RBPMS2: variants seen among roughly 807,000 people sequenced by gnomAD.
RBPMS2 encodes the protein RNA binding protein, mRNA processing factor 2.
RBPMS2 carries 14 observed loss-of-function variants against 25.7 expected under a neutral mutation model. The observed-to-expected ratio is 0.55, with a 90% CI of 0.36 to 0.85. RBPMS2 has a LOEUF of 0.85. Ranked by LOEUF, RBPMS2 falls within the 40% of genes least tolerant of loss-of-function variation. The probability of loss-of-function intolerance (pLI) is 0.01; values close to 1 mark genes in which losing one functional copy is unlikely to be tolerated. For missense variants in RBPMS2, 252 were observed against 283.4 expected (o/e 0.89, Z 0.80); for synonymous variants, 127 against 115.6 (o/e 1.10, Z -0.63).
chr15:64,774,732 A>AGTCGGCCGGCTGGCCG (rs1555431926), intron 1 of RBPMS2, among the ~76,000 whole-genome samples: 1 of 147,068 alleles, frequency 6.8e-6, no homozygotes, highest in Admixed American at 6.7e-5. Flanking sequence ...GGAACCGAGG[A>AGTCGGCCGGCTGGCCG]GCCGGCCGGC....
chr15:64,748,571 C>A lies in RBPMS2; in HGVS notation c.419-4G>T. ...AGAGCAGCCCCCATCAGGTCATCTA[C>A]AACAGGAGACAATGGCCTCCATCAT... On this transcript the variant is annotated splice_region_variant and splice_polypyrimidine_tract_variant and intron_variant, in intron 5 of 7. Coordinates refer to ENST00000300069, the MANE Select transcript of RBPMS2 (RefSeq NM_194272.3). The A allele has an allele frequency of 6.5e-7, 1 of 1,534,970 alleles. No homozygotes were observed.
rs376832140 is a variant in RBPMS2, at chr15:64,774,109, C to T, written c.87+1124G>A. Among the ~76,000 whole-genome samples the T allele has an allele frequency of 2.7e-4, 41 of 152,344 alleles. No individual in the cohort carries two copies. The East Asian group carries it at 4.6e-3, about 17-fold the overall frequency. On this transcript the variant is annotated intron_variant, in intron 1 of 7. Transcript: ENST00000300069. ...TGAGCCCAGCCCAGCCGAGGGCCAC[C>T]GGCGCCATTCTGCACCAACCCCCAG...
chr15:64,750,465 G>A lies in RBPMS2; in HGVS notation c.166-84C>T, dbSNP rs995562416. 4.4e-5 allele frequency: 51 copies of A among 1,147,182 alleles called. 1 individual carries two copies. The highest frequency in any genetic ancestry group is 4.4e-4 in the East Asian group (19 of 42,764). The allele number at this position is 1,147,182 out of a possible 1,614,324, so 71.1% of individuals were successfully genotyped here. A position where few individuals can be genotyped will look rare whatever the true frequency, so the allele number is the denominator to read the frequency against. ...GCGCTGCCACCTCATCAGCCCCCGC[G>A]TTCCCCTGAGTCATTCTCACACCCT... On this transcript the variant is annotated intron_variant, in intron 2 of 7. Transcript: ENST00000300069.
chr15:64,770,873 G>A lies in RBPMS2; in HGVS notation c.87+4360C>T, dbSNP rs374806702. On this transcript the variant is annotated intron_variant, in intron 1 of 7. Coordinates refer to ENST00000300069, the MANE Select transcript of RBPMS2 (RefSeq NM_194272.3). ...GACCTCAAGCCACCCAGTGGTCCCA[G>A]GGCTCTGGCTGCTTCCTGACACCCC... Among the ~76,000 whole-genome samples the A allele has an allele frequency of 2.6e-5, 4 of 151,978 alleles. No homozygotes were observed. The East Asian group carries it at 7.7e-4, about 29-fold the overall frequency.
At chr15:64,751,309 G>A (rs2141061223) in intron 2 of RBPMS2, among the ~76,000 whole-genome samples, 1 of 151,006 alleles carries the variant, frequency 6.6e-6, no homozygotes, top group East Asian at 2.0e-4. Context: ...CTCTAGCCTG[G>A]GCGGCAGAGC....
At chr15:64,741,736 T>G (rs143912658) in intron 6 of RBPMS2, among the ~76,000 whole-genome samples, 29 of 152,328 alleles carry the variant, frequency 1.9e-4, no homozygotes, top group Admixed American at 8.5e-4. Context: ...TAAGACAGGA[T>G]GTAAAGATAC....
At chr15:64,766,560 T>G (rs531286858) in intron 1 of RBPMS2, among the ~76,000 whole-genome samples, 311 of 151,412 alleles carry the variant, frequency 2.1e-3, no homozygotes, top group African/African-American at 7.4e-3. Context: ...GGAGTCTCGC[T>G]CTGTATCCCA....
intron 1 of RBPMS2, among the ~76,000 whole-genome samples, chr15:64,760,591 A>G (rs1174260771): frequency 1.3e-5 from 2 of 152,060 alleles, no homozygotes; most frequent in Non-Finnish European, 2.9e-5. Flanking sequence ...ACCTGAGGTC[A>G]GGAGTTCTAG....
rs1326275918 is a variant in RBPMS2, at chr15:64,775,500, G to A, written c.-181C>T. ...GCCAGGGTCACATCAAGTTTGGCGG[G>A]TGCGGAAGGTGGGGAGGGGGTGCGG... On this transcript the variant is annotated 5_prime_UTR_variant, in exon 1 of 8. Coordinates refer to ENST00000300069, the MANE Select transcript of RBPMS2 (RefSeq NM_194272.3). 2 of 304,628 alleles carry A rather than the reference G, an allele frequency of 6.6e-6. No homozygotes were observed. Among genetic ancestry groups the A allele is most frequent in the Admixed American group, 5.2e-5 (1 of 19,386 alleles). 18.9% of individuals were successfully genotyped at this position (304,628 alleles called of 1,614,324 possible). A position where few individuals can be genotyped will look rare whatever the true frequency, so the allele number is the denominator to read the frequency against.
chr15:64,746,481 C>A (rs1357883198), intron 6 of RBPMS2, among the ~76,000 whole-genome samples: 2 of 152,234 alleles, frequency 1.3e-5, no homozygotes, highest in East Asian at 3.8e-4. Context: ...ATTATCATCA[C>A]CATTTTACAG....
chr15:64,768,801 A>G (rs796088184), intron 1 of RBPMS2, among the ~76,000 whole-genome samples: 25 of 151,080 alleles, frequency 1.7e-4, no homozygotes, highest in African/African-American at 6.1e-4. Flanking sequence ...GTCTATAAAA[A>G]AAAAAAAAGG....
intron 1 of RBPMS2, among the ~76,000 whole-genome samples, chr15:64,765,023 G>A (rs1289918929): frequency 2.0e-5 from 3 of 151,026 alleles, no homozygotes; most frequent in Non-Finnish European, 3.0e-5. Context: ...TCAGGAGTTC[G>A]GGACCAGCCT....
chr15:64,749,915 T>TC, intron 3 of RBPMS2, among the ~76,000 whole-genome samples: 1 of 152,264 alleles, frequency 6.6e-6, no homozygotes, highest in Middle Eastern at 3.4e-3. Context: ...TGAAAACTGC[T>TC]CCAACTTCAT....
chr15:64,757,973 C>T (rs79222839), intron 1 of RBPMS2, among the ~76,000 whole-genome samples: 1 of 152,080 alleles, frequency 6.6e-6, no homozygotes, highest in East Asian at 1.9e-4. Context: ...GAGCAAGACC[C>T]TACCTCTAAA....
chr15:64,750,725 T>A (rs1226858987), intron 2 of RBPMS2, among the ~76,000 whole-genome samples: 1 of 152,220 alleles, frequency 6.6e-6, no homozygotes, highest in African/African-American at 2.4e-5. Context: ...AGATTCTTTA[T>A]ATAACCACAT....
intron 3 of RBPMS2, 147 bp from the exon 4 acceptor site, chr15:64,749,640 A>C: frequency 3.2e-6 from 2 of 625,388 alleles, no homozygotes; most frequent in African/African-American, 1.9e-5. Flanking sequence ...GCCCCCCAAA[A>C]CTCCAGCCCA....
rs753419459 is a variant in RBPMS2, at chr15:64,775,286, C to A, written c.34G>T (p.Gly12Cys). ...SNLKPDGEHG[G>C]STGTGSGAGS... The stretch of plus-strand genomic sequence containing the variant: ...GCGCCGGAGCCGGTGCCGGTGCTGC[C>A]GCCGTGCTCGCCGTCCGGCTTCAGG... The change falls in exon 1 of 8, where the codon GGC becomes TGC. Residue 12 changes from glycine to cysteine, a missense_variant. Coordinates refer to ENST00000300069, the MANE Select transcript of RBPMS2 (RefSeq NM_194272.3). 5 of 1,353,174 alleles carry A rather than the reference C, an allele frequency of 3.7e-6. No homozygotes were observed. The South Asian group carries it at 8.5e-5, about 23-fold the overall frequency. The allele number at this position is 1,353,174 out of a possible 1,614,324, so 83.8% of individuals were successfully genotyped here. A position where few individuals can be genotyped will look rare whatever the true frequency, so the allele number is the denominator to read the frequency against.
chr15:64,760,255 G>C (rs549543152), intron 1 of RBPMS2, among the ~76,000 whole-genome samples: 3 of 152,308 alleles, frequency 2.0e-5, no homozygotes, highest in East Asian at 1.9e-4. Context: ...CACGACCATG[G>C]GGACCCCACA....
At chr15:64,750,234 A>G (rs2083663142) in intron 3 of RBPMS2, 109 bp downstream of exon 3, 2 of 966,418 alleles carry the variant, frequency 2.1e-6, no homozygotes, top group Non-Finnish European at 1.7e-6. Flanking sequence ...AGGGAGCGCA[A>G]GTCTGTACCG....
Sources: allele counts gnomAD v4.1 joint callset (sites outside exome capture counted in the v4.1 genomes callset), GRCh38; gene constraint gnomAD v4.1.1; transcripts MANE v1.5; gene names NCBI Gene and HGNC (gene_info 2026-07-23, HGNC 2026-07-21).